The following ABCC5 variants were observed in gnomAD, a reference collection of about 807,000 sequenced individuals.
The protein encoded by ABCC5 is ATP binding cassette subfamily C member 5, also known as ATP-binding cassette sub-family C member 5.
ABCC5 carries 61 observed loss-of-function variants against 160.9 expected under a neutral mutation model. The ratio of observed to expected loss-of-function variants is 0.38; its 90% CI spans 0.31 to 0.47. ABCC5 has a LOEUF of 0.47. Ranked by LOEUF, ABCC5 falls within the 20% of genes least tolerant of loss-of-function variation. The pLI is 0.99. For synonymous variants in ABCC5, 666 were observed against 700.6 expected, an observed-to-expected ratio of 0.95 and a Z score of 0.78; for missense variants, 1,308 against 1,813.3, an observed-to-expected ratio of 0.72 and a Z score of 5.06.
intron 15 of ABCC5, among the ~76,000 whole-genome samples, chr3:183,962,229 A>G (rs1716816331): frequency 6.6e-6 from 1 of 152,224 alleles, no homozygotes; most frequent in Non-Finnish European, 1.5e-5. Context: ...ATCATCTAAC[A>G]CAAAGCCTAT....
intron 2 of ABCC5, among the ~76,000 whole-genome samples, chr3:184,010,295 G>C (rs1576950298): frequency 6.8e-6 from 1 of 147,846 alleles, no homozygotes; most frequent in African/African-American, 2.5e-5. Flanking sequence ...AAAAAGTTTA[G>C]GAAACATGAA....
At chr3:183,973,699 T>C (rs1717970590) in intron 10 of ABCC5, among the ~76,000 whole-genome samples, 1 of 152,186 alleles carries the variant, frequency 6.6e-6, no homozygotes, top group South Asian at 2.1e-4. Flanking sequence ...TAATCTTCAC[T>C]CTCGAGTAAC....
In ABCC5 at chr3:183,933,282, C is replaced by T. The variant is rs989162288; in HGVS notation, c.3855-4457G>A. On this transcript the variant is annotated intron_variant, in intron 26 of 29. Transcript: ENST00000334444. The stretch of plus-strand genomic sequence containing the variant: ...GAATGGGCACCAGGCAGAAGTGCTC[C>T]GGGTAGACAAGGTACCCATCACTCA... Among the ~76,000 whole-genome samples the T allele has an allele frequency of 2.6e-5, 4 of 152,004 alleles. No individual in the cohort carries two copies. The East Asian group carries it at 5.8e-4, about 22-fold the overall frequency.
intron 24 of ABCC5, among the ~76,000 whole-genome samples, chr3:183,943,673 A>C (rs1230969615): frequency 6.6e-6 from 1 of 152,210 alleles, no homozygotes; most frequent in East Asian, 1.9e-4. Context: ...TGGGGGGTTA[A>C]GCCTAAAGTC....
At chr3:183,965,343 A>G (rs1466181440) in intron 13 of ABCC5, 34 bp downstream of exon 13, 4 of 1,614,194 alleles carry the variant, frequency 2.5e-6, no homozygotes, top group East Asian at 4.5e-5. Context: ...CGCGGCCAAG[A>G]TGGAAAGCAT....
chr3:183,927,501 A>C, intron 27 of ABCC5, 58 bp from the exon 28 acceptor site: 1 of 1,553,594 alleles, frequency 6.4e-7, no homozygotes, highest in East Asian at 2.4e-5. Context: ...ATTTCCTGAA[A>C]ATCCAAGGAC....
In ABCC5 at chr3:183,982,981, C is replaced by T. The variant is rs757998555; in HGVS notation, c.618G>A (p.Glu206=). The change falls in exon 6 of 30, where the codon GAG becomes GAA. Residue 206 remains glutamate, a synonymous_variant. Coordinates refer to ENST00000334444, the MANE Select transcript of ABCC5 (RefSeq NM_005688.4). The surrounding 1 kb of genome is among the most constrained non-coding windows in gnomAD (Gnocchi z 5.2). ...GGTTAGACTCTGTTGCCTGGGTATA[C>T]TCCAAGAGGTGTTTCACCATGAAGG... ...GPAFMVKHLL[E]YTQATESNLQ... 29 of 1,614,116 alleles carry T rather than the reference C, an allele frequency of 1.8e-5. No homozygotes were observed. The South Asian group carries it at 2.7e-4, about 15-fold the overall frequency.
intron 26 of ABCC5, 134 bp downstream of exon 26, chr3:183,937,767 G>T: frequency 2.1e-6 from 2 of 961,794 alleles, no homozygotes. Flanking sequence ...GCAAGCACAT[G>T]GTGCAGTGGG....
intron 9 of ABCC5, 149 bp downstream of exon 9, chr3:183,978,354 A>G (rs1225221087): frequency 1.2e-5 from 9 of 776,722 alleles, no homozygotes; most frequent in Non-Finnish European, 1.8e-5. Flanking sequence ...TTTGAGATGG[A>G]GTCTTGCTCT....
At chr3:183,939,377 G>C (rs528099066) in intron 25 of ABCC5, among the ~76,000 whole-genome samples, 2 of 152,324 alleles carry the variant, frequency 1.3e-5, no homozygotes, top group East Asian at 3.9e-4. Context: ...AGGTTGCAGT[G>C]AGCCAAGATC....
chr3:183,959,073 A>ACACACACG (rs1448188634), intron 17 of ABCC5, among the ~76,000 whole-genome samples: 1 of 151,658 alleles, frequency 6.6e-6, no homozygotes, highest in Non-Finnish European at 1.5e-5. Context: ...ACACACACAC[A>ACACACACG]CACACACACA....
chr3:183,983,182 C>T (rs184585161), intron 5 of ABCC5, among the ~76,000 whole-genome samples, 175 bp from the exon 6 acceptor site: 5 of 152,356 alleles, frequency 3.3e-5, no homozygotes, highest in Admixed American at 3.3e-4. Flanking sequence ...TTACTCAGGG[C>T]ATTCTGCAGG....
chr3:184,003,926 T>C (rs942404373), intron 2 of ABCC5, among the ~76,000 whole-genome samples: 2 of 152,072 alleles, frequency 1.3e-5, no homozygotes, highest in African/African-American at 2.4e-5. Flanking sequence ...CTTGGAGCCA[T>C]TGAGTGAGGG....
In ABCC5 at chr3:183,988,533, CCGGCATG is replaced by C; in HGVS notation, c.443+32_443+38del. The C allele has an allele frequency of 6.3e-7, 1 of 1,581,934 alleles. No homozygotes were observed. Among genetic ancestry groups the C allele is most frequent in the South Asian group, 1.2e-5 (1 of 85,300 alleles). On this transcript the variant is annotated intron_variant, in intron 4 of 29. Coordinates refer to ENST00000334444, the MANE Select transcript of ABCC5 (RefSeq NM_005688.4). The surrounding 1 kb of genome is among the most constrained non-coding windows in gnomAD (Gnocchi z 4.4). ...CACTCCTAGCTCAGGCCCTGCCCAC[CCGGCATG>C]GGGGAGATGAGGGTGGACCAGAGGC...
At chr3:183,931,482 G>A (rs1217573695) in intron 26 of ABCC5, among the ~76,000 whole-genome samples, 10 of 152,064 alleles carry the variant, frequency 6.6e-5, no homozygotes, top group South Asian at 4.1e-4. Flanking sequence ...ACAGGTGTGC[G>A]CCACCACACC....
chr3:183,969,050 A>C (rs1265672297), intron 11 of ABCC5, among the ~76,000 whole-genome samples: 1 of 152,238 alleles, frequency 6.6e-6, no homozygotes, highest in Non-Finnish European at 1.5e-5. Flanking sequence ...TGCTCAGGCC[A>C]GTTAGATTTA....
intron 17 of ABCC5, among the ~76,000 whole-genome samples, chr3:183,958,465 C>G (rs1716431472): frequency 6.6e-6 from 1 of 152,192 alleles, no homozygotes; most frequent in African/African-American, 2.4e-5. Context: ...GTGGTAAGAA[C>G]TAACAAATGT....
chr3:183,958,887 A>G (rs1036301090), intron 17 of ABCC5, among the ~76,000 whole-genome samples: 2 of 152,042 alleles, frequency 1.3e-5, no homozygotes, highest in Non-Finnish European at 2.9e-5. Context: ...GGTATAAGCC[A>G]CCTGTGCCTG....
chr3:184,015,462 G>A (rs900111339), intron 1 of ABCC5, among the ~76,000 whole-genome samples: 3 of 152,106 alleles, frequency 2.0e-5, no homozygotes, highest in African/African-American at 7.2e-5. Context: ...ATAAATCCCT[G>A]GCTATCGCTG....
Sources: allele counts gnomAD v4.1 joint callset (sites outside exome capture counted in the v4.1 genomes callset), GRCh38; gene constraint gnomAD v4.1.1; non-coding constraint Gnocchi (gnomAD v3.1); transcripts MANE v1.5; gene names NCBI Gene and HGNC (gene_info 2026-07-23, HGNC 2026-07-21).